CLTB: variants seen among roughly 807,000 people sequenced by gnomAD.
CLTB encodes clathrin, light chain (Lcb).
CLTB carries 10 observed loss-of-function variants against 30.5 expected under a neutral mutation model. The ratio of observed to expected loss-of-function variants is 0.33; its 90% CI spans 0.20 to 0.56. The LOEUF (loss-of-function observed/expected upper bound fraction) is 0.56. CLTB is among the 20% of genes least tolerant of loss of function. The pLI is 0.91. For missense variants in CLTB, 261 were observed against 308.3 expected (o/e 0.85, Z 1.15); for synonymous variants, 102 against 120.3 (o/e 0.85, Z 1.00).
intron 2 of CLTB, among the ~76,000 whole-genome samples, chr5:176,402,170 C>T (rs763070724): frequency 1.3e-5 from 2 of 152,058 alleles, no homozygotes; most frequent in Admixed American, 6.5e-5. Flanking sequence ...GGTGTGGTGG[C>T]GGACGCCTGT....
intron 2 of CLTB, 43 bp from the exon 3 acceptor site, chr5:176,398,090 GC>G: frequency 1.3e-6 from 2 of 1,566,930 alleles, no homozygotes; most frequent in South Asian, 2.2e-5. Flanking sequence ...CAGCACACCT[GC>G]CCCGCTGTCT....
At chr5:176,406,506 T>C (rs1288707093) in intron 2 of CLTB, 3 of 1,233,064 alleles carry the variant, frequency 2.4e-6, no homozygotes, top group Non-Finnish European at 3.1e-6. Flanking sequence ...TGCTGATTCC[T>C]CTAAGAAGCT....
At position 176,392,843 on chromosome 5, in the gene CLTB, C is replaced by T; in HGVS notation, c.621G>A (p.Lys207=). The change falls in exon 6 of 6, where the codon AAG becomes AAA. Residue 207 remains lysine, a synonymous_variant. Transcript: ENST00000310418. The surrounding 1 kb of genome is among the most constrained non-coding windows in gnomAD (Gnocchi z 5.2). Reference sequence around the variant, plus strand: ...GCAGGCGGGACACATCTTTGCACTGCTTGCTGCTCTTGGGGTTGAAGTCAC... The same window carrying T: ...GCAGGCGGGACACATCTTTGCACTGTTTGCTGCTCTTGGGGTTGAAGTCAC... ...QLCDFNPKSS[K]QCKDVSRLRS... 6.2e-7 allele frequency: 1 copy of T among 1,614,248 alleles called. No individual in the cohort carries two copies. Among genetic ancestry groups the T allele is most frequent in the Non-Finnish European group, 8.5e-7 (1 of 1,180,044 alleles).
chr5:176,394,624 C>A (rs1756422334), intron 5 of CLTB, among the ~76,000 whole-genome samples: 1 of 151,096 alleles, frequency 6.6e-6, no homozygotes, highest in South Asian at 2.1e-4. Context: ...AGCATCCTGG[C>A]TAACACGGTG....
In CLTB at chr5:176,411,491, C is replaced by T. The variant is rs190236324; in HGVS notation, c.188-1188G>A. Among the ~76,000 whole-genome samples the T allele has an allele frequency of 2.6e-4, 40 of 152,326 alleles. No homozygotes were observed. The East Asian group carries it at 5.6e-3, about 21-fold the overall frequency. ...TGCTCAAATGCTGCCTAATTAAAGG[C>T]CTCCCTGACCACACCCCCATCCACC... On this transcript the variant is annotated intron_variant, in intron 1 of 5. Transcript: ENST00000310418.
intron 5 of CLTB, among the ~76,000 whole-genome samples, chr5:176,395,228 C>T (rs1051386921): frequency 6.6e-6 from 1 of 152,156 alleles, no homozygotes; most frequent in Non-Finnish European, 1.5e-5. Flanking sequence ...CCAGCAAACT[C>T]CTTCTCACAC....
chr5:176,395,158 T>C (rs1190127854), intron 5 of CLTB, among the ~76,000 whole-genome samples: 2 of 152,064 alleles, frequency 1.3e-5, no homozygotes. Context: ...GCTGGGCCTT[T>C]TCTCTCTGGA....
In CLTB at chr5:176,397,471, C is replaced by G. The variant is rs1363106698; in HGVS notation, c.464+136G>C. ...GCCCGTCTCATGTCCCCACGGCCCC[C>G]TCATGTCCCCACAGCTCCCTCATGT... On this transcript the variant is annotated intron_variant, in intron 4 of 5. Coordinates refer to ENST00000310418, the MANE Select transcript of CLTB (RefSeq NM_007097.5). 4.7e-6 allele frequency: 3 copies of G among 641,136 alleles called. No individual in the cohort carries two copies. The Admixed American group carries it at 7.2e-5, about 15-fold the overall frequency. The allele number at this position is 641,136 out of a possible 1,614,324, so 39.7% of individuals were successfully genotyped here.
chr5:176,406,915 C>T (rs1018694440), intron 2 of CLTB, among the ~76,000 whole-genome samples: 7 of 152,174 alleles, frequency 4.6e-5, no homozygotes, highest in East Asian at 1.9e-4. Flanking sequence ...CAAAGCACAC[C>T]GGGTCGGAGC....
intron 1 of CLTB, among the ~76,000 whole-genome samples, chr5:176,414,237 G>C (rs115204289): frequency 0.066 from 10,111 of 152,230 alleles, 487 homozygotes; most frequent in Non-Finnish European, 0.091. Flanking sequence ...ACAGAGGTGT[G>C]GTCCAGTGAA....
intron 2 of CLTB, among the ~76,000 whole-genome samples, chr5:176,399,045 T>C (rs1209867190): frequency 1.3e-5 from 2 of 152,080 alleles, no homozygotes; most frequent in Non-Finnish European, 2.9e-5. Context: ...GGTTTCTCCA[T>C]GTTGGTCAGG....
chr5:176,413,415 A>C (rs971480139), intron 1 of CLTB, among the ~76,000 whole-genome samples: 1 of 152,220 alleles, frequency 6.6e-6, no homozygotes, highest in African/African-American at 2.4e-5. Flanking sequence ...AAACCTACCC[A>C]AGGCTGATGA....
chr5:176,405,200 G>A (rs910250300), intron 2 of CLTB, among the ~76,000 whole-genome samples: 1 of 152,052 alleles, frequency 6.6e-6, no homozygotes, highest in Non-Finnish European at 1.5e-5. Context: ...TATTAGAAGC[G>A]AGTTTGGGAC....
At chr5:176,394,613 G>GATCAAT in intron 5 of CLTB, among the ~76,000 whole-genome samples, 3 of 151,816 alleles carry the variant, frequency 2.0e-5, no homozygotes, top group African/African-American at 4.8e-5. Flanking sequence ...GTCAGATGGA[G>GATCAAT]AGCATCCTGG....
At chr5:176,403,288 G>C (rs886339648) in intron 2 of CLTB, among the ~76,000 whole-genome samples, 1 of 152,082 alleles carries the variant, frequency 6.6e-6, no homozygotes, top group Non-Finnish European at 1.5e-5. Context: ...GATCTCAGGT[G>C]ATCCACCCAC....
At chr5:176,409,226 G>A (rs1757294091) in intron 2 of CLTB, among the ~76,000 whole-genome samples, 1 of 149,308 alleles carries the variant, frequency 6.7e-6, no homozygotes, top group Non-Finnish European at 1.5e-5. Context: ...CACCTGCCTT[G>A]GCCTCCCAAA....
chr5:176,402,115 CA>C (rs1478548998), intron 2 of CLTB, among the ~76,000 whole-genome samples: 2 of 152,126 alleles, frequency 1.3e-5, no homozygotes, highest in Non-Finnish European at 2.9e-5. Flanking sequence ...CCACCCTGGG[CA>C]ACGTGGTAAA....
chr5:176,410,698 G>A (rs1561801016), intron 1 of CLTB, among the ~76,000 whole-genome samples: 1 of 151,616 alleles, frequency 6.6e-6, no homozygotes, highest in Non-Finnish European at 1.5e-5. Flanking sequence ...CTGGTGAGTA[G>A]GCTGAGCTGC....
In CLTB at chr5:176,393,050, C is replaced by G; in HGVS notation, c.519-105G>C. 7.7e-7 allele frequency: 1 copy of G among 1,292,700 alleles called. No homozygotes were observed. The highest frequency in any genetic ancestry group is 1.1e-6 in the Non-Finnish European group (1 of 907,390). 80.1% of individuals were successfully genotyped at this position (1,292,700 alleles called of 1,614,324 possible). ...GCCTACTCTGGGGCACTGTGTCCTC[C>G]CCAGCCTTGTGCCCCCCTGACTTCA... On this transcript the variant is annotated intron_variant, in intron 5 of 5. Transcript: ENST00000310418. The surrounding 1 kb of genome is among the most constrained non-coding windows in gnomAD (Gnocchi z 4.4).
Sources: gnomAD v4.1 joint callset for allele counts (sites outside exome capture counted in the v4.1 genomes callset) on GRCh38, gnomAD v4.1.1 for gene constraint, Gnocchi (gnomAD v3.1) non-coding constraint, MANE v1.5 for transcripts, NCBI Gene and HGNC (gene_info 2026-07-23, HGNC 2026-07-21) for gene names.